Variants in PRKN observed in about 807,000 individuals in gnomAD.
The protein encoded by PRKN is parkin RBR E3 ubiquitin protein ligase, also known as E3 ubiquitin-protein ligase parkin.
A neutral mutation model predicts 59.5 loss-of-function variants in PRKN; 56 were observed. The observed-to-expected ratio is 0.94, with a 90% CI of 0.76 to 1.18. PRKN has a LOEUF of 1.18. Ranked by LOEUF, PRKN falls within the 50% of genes most tolerant of loss-of-function variation. The probability of loss-of-function intolerance (pLI) is 0.00; values close to 1 mark genes in which losing one functional copy is unlikely to be tolerated. For missense variants in PRKN, 657 were observed against 596.4 expected (o/e 1.10, Z -1.06); for synonymous variants, 250 against 222.1 (o/e 1.13, Z -1.12).
intron 1 of PRKN, chr6:162,569,020 C>A: frequency 1.4e-6 from 1 of 695,820 alleles, no homozygotes. Flanking sequence ...GAGCTGCAGT[C>A]CCAGATCTCG....
chr6:161,513,511 T>C (rs1382506348), intron 9 of PRKN, among the ~76,000 whole-genome samples: 1 of 142,764 alleles, frequency 7.0e-6, no homozygotes, highest in Non-Finnish European at 1.5e-5. Context: ...CCCAGAGTGC[T>C]GGGATTACAG....
intron 2 of PRKN, among the ~76,000 whole-genome samples, chr6:162,422,535 T>C (rs543364178): frequency 1.3e-5 from 2 of 152,220 alleles, no homozygotes; most frequent in Non-Finnish European, 2.9e-5. Flanking sequence ...CCAATATTAG[T>C]GGTACTTTTA....
chr6:161,790,888 C>T (rs1338042828), intron 6 of PRKN, among the ~76,000 whole-genome samples: 1 of 152,026 alleles, frequency 6.6e-6, no homozygotes, highest in African/African-American at 2.4e-5. Flanking sequence ...TACTTGAGGT[C>T]ATTTTGATAA....
chr6:161,665,086 C>T (rs1460017914), intron 7 of PRKN, among the ~76,000 whole-genome samples: 1 of 151,986 alleles, frequency 6.6e-6, no homozygotes, highest in Non-Finnish European at 1.5e-5. Context: ...ACGCCTGGCC[C>T]AACAACTGAC....
rs150187364 is a variant in PRKN at position 162,447,874 on chromosome 6, C to G, written c.8-4401G>C. On this transcript the variant is annotated intron_variant, in intron 1 of 11. Coordinates refer to ENST00000366898, the MANE Select transcript of PRKN (RefSeq NM_004562.3). The stretch of plus-strand genomic sequence containing the variant: ...AGGGATGATGCAAGCCAATCTGTGC[C>G]TGGCACTCCCCTTGTTCCAGTGATT... Among the ~76,000 whole-genome samples, 911 of 152,240 alleles carry G rather than the reference C, an allele frequency of 6.0e-3. 3 individuals carry two copies. The highest frequency in any genetic ancestry group is 0.019 in the African/African-American group (773 of 41,528).
At chr6:161,806,765 G>A (rs1187364915) in intron 6 of PRKN, among the ~76,000 whole-genome samples, 1 of 152,194 alleles carries the variant, frequency 6.6e-6, no homozygotes, top group Non-Finnish European at 1.5e-5. Flanking sequence ...GTGCATTGGG[G>A]ATCTGGGGGA....
At chr6:162,021,455 ATATATATT>A (rs767312471) in intron 5 of PRKN, among the ~76,000 whole-genome samples, 1,742 of 49,222 alleles carry the variant, frequency 0.035, 15 homozygotes, top group East Asian at 0.13. Context: ...ATATATATAT[ATATATATT>A]TTTTTTTTTT....
At chr6:162,569,678 A>G in intron 1 of PRKN, 1 of 643,154 alleles carries the variant, frequency 1.6e-6, no homozygotes, top group Non-Finnish European at 2.9e-6. Flanking sequence ...GAAGATCAAG[A>G]CCTGCGATGG....
intron 2 of PRKN, among the ~76,000 whole-genome samples, chr6:162,402,328 G>C (rs1040915242): frequency 1.3e-5 from 2 of 151,834 alleles, no homozygotes; most frequent in African/African-American, 4.8e-5. Context: ...ACCATGCTCA[G>C]GCATGGAGAG....
Position 162,607,907 on chromosome 6 carries a change from A to G in PRKN, c.7+119755T>C, listed in dbSNP as rs188980260. ...CTGTTGTTGTGAAGACTGGGAAGAA[A>G]AGCTGATCAGAGATGCCTAGCAAGA... is the stretch of plus-strand genomic sequence containing the variant. On this transcript the variant is annotated intron_variant, in intron 1 of 11. Transcript: ENST00000366898. Among the ~76,000 whole-genome samples, 487 of 152,254 alleles carry G rather than the reference A, an allele frequency of 3.2e-3. 3 individuals carry two copies. Among genetic ancestry groups the G allele is most frequent in the African/African-American group, 0.011 (471 of 41,558 alleles).
At chr6:162,336,854 CA>C (rs1783869452) in intron 2 of PRKN, among the ~76,000 whole-genome samples, 1 of 152,060 alleles carries the variant, frequency 6.6e-6, no homozygotes, top group Admixed American at 6.6e-5. Context: ...CCAAGAGACC[CA>C]AAAATGTGAG....
rs180731158 is a variant in PRKN at position 161,581,886 on chromosome 6, G to C, written c.872-12470C>G. Among the ~76,000 whole-genome samples, 1 of 152,198 alleles carries C rather than the reference G, an allele frequency of 6.6e-6. No homozygotes were observed. The highest frequency in any genetic ancestry group is 2.4e-5 in the African/African-American group (1 of 41,452). On this transcript the variant is annotated intron_variant, in intron 7 of 11. Transcript: ENST00000366898. The surrounding 1 kb of genome is among the most constrained non-coding windows in gnomAD (Gnocchi z 4.5). ...ACCCACTCAATATTTACTGCGCAGAGAGCTGAGGACACACATTAATGAAAC... is the reference window on the plus strand; with the variant it reads ...ACCCACTCAATATTTACTGCGCAGACAGCTGAGGACACACATTAATGAAAC...
At chr6:162,441,742 G>A (rs143377897) in intron 2 of PRKN, among the ~76,000 whole-genome samples, 467 of 152,216 alleles carry the variant, frequency 3.1e-3, no homozygotes, top group African/African-American at 0.011. Context: ...CTTAAGAAGT[G>A]TTTGTCAAAA....
rs1337676008 is a variant in PRKN at position 161,393,611 on chromosome 6, T to A, written c.1084-6734A>T. Among the ~76,000 whole-genome samples the A allele has an allele frequency of 6.6e-6, 1 of 152,152 alleles. No homozygotes were observed. The highest frequency in any genetic ancestry group is 1.5e-5 in the Non-Finnish European group (1 of 68,046). On this transcript the variant is annotated intron_variant, in intron 9 of 11. Transcript: ENST00000366898. The surrounding 1 kb of genome is among the most constrained non-coding windows in gnomAD (Gnocchi z 4.7). The stretch of plus-strand genomic sequence containing the variant: ...AAAGGGGCTGTATGTGTACTTTCTC[T>A]GTGGAAGCATGAAAAGGAAGCAAAT...
At chr6:162,472,289 G>A (rs1791784912) in intron 1 of PRKN, among the ~76,000 whole-genome samples, 1 of 151,066 alleles carries the variant, frequency 6.6e-6, no homozygotes, top group Non-Finnish European at 1.5e-5. Flanking sequence ...TGTGCCATGT[G>A]GGTGTGCTGC....
chr6:162,504,872 T>C (rs1219506622), intron 1 of PRKN, among the ~76,000 whole-genome samples: 1 of 151,448 alleles, frequency 6.6e-6, no homozygotes, highest in East Asian at 1.9e-4. Flanking sequence ...AAGGGAAAAA[T>C]TGAGGAAAGA....
At chr6:161,904,531 G>A (rs1324949793) in intron 6 of PRKN, among the ~76,000 whole-genome samples, 1 of 151,994 alleles carries the variant, frequency 6.6e-6, no homozygotes, top group Non-Finnish European at 1.5e-5. Flanking sequence ...CAGCCAGGAC[G>A]GTCTCGATCT....
chr6:162,613,241 C>T (rs552144794), intron 1 of PRKN, among the ~76,000 whole-genome samples: 20 of 152,272 alleles, frequency 1.3e-4, no homozygotes, highest in Non-Finnish European at 1.8e-4. Flanking sequence ...GAAGCACTGA[C>T]ATTAAATTAA....
At chr6:162,504,102 G>A (rs1252891012) in intron 1 of PRKN, among the ~76,000 whole-genome samples, 1 of 152,146 alleles carries the variant, frequency 6.6e-6, no homozygotes, top group Non-Finnish European at 1.5e-5. Context: ...AAGGCAGAGA[G>A]GAAGGCAGGC....
Sources: gnomAD v4.1 joint callset for allele counts (sites outside exome capture counted in the v4.1 genomes callset) on GRCh38, gnomAD v4.1.1 for gene constraint, Gnocchi (gnomAD v3.1) non-coding constraint, MANE v1.5 for transcripts, NCBI Gene and HGNC (gene_info 2026-07-23, HGNC 2026-07-21) for gene names.